The following ME3 variants were observed in gnomAD, a reference collection of about 807,000 sequenced individuals.
ME3 encodes NADP-dependent malic enzyme, mitochondrial.
ME3 carries 48 observed loss-of-function variants against 68.9 expected under a neutral mutation model. That is an observed-to-expected ratio of 0.70 (90% CI 0.55 to 0.89). The LOEUF (loss-of-function observed/expected upper bound fraction) is 0.89, where lower values mean the gene tolerates loss of function less well. ME3 is among the 40% of genes least tolerant of loss of function. ME3 has a pLI of 0.00. For missense variants in ME3, 675 were observed against 797.4 expected, an observed-to-expected ratio of 0.85 and a Z score of 1.85; for synonymous variants, 320 against 318.8, an observed-to-expected ratio of 1.00 and a Z score of -0.04.
At chr11:86,516,029 T>C (rs1953875360) in intron 4 of ME3, among the ~76,000 whole-genome samples, 1 of 152,050 alleles carries the variant, frequency 6.6e-6, no homozygotes, top group Non-Finnish European at 1.5e-5. Context: ...GGCTAATGAC[T>C]CCTCTGAGTC....
chr11:86,570,601 C>A (rs1957735877), intron 2 of ME3, among the ~76,000 whole-genome samples: 1 of 152,168 alleles, frequency 6.6e-6, no homozygotes, highest in Non-Finnish European at 1.5e-5. Flanking sequence ...AGACATATTT[C>A]TGTGATCAGG....
intron 8 of ME3, among the ~76,000 whole-genome samples, chr11:86,456,751 T>C (rs1485631883): frequency 1.3e-5 from 2 of 152,116 alleles, no homozygotes; most frequent in Non-Finnish European, 2.9e-5. Flanking sequence ...GGAAATCTGA[T>C]GGGAAAGAGT....
chr11:86,644,351 G>A (rs1412590216), intron 2 of ME3, among the ~76,000 whole-genome samples: 1 of 152,164 alleles, frequency 6.6e-6, no homozygotes, highest in Non-Finnish European at 1.5e-5. Context: ...TTTGACTAAT[G>A]TAAGTCAAAA....
At chr11:86,450,089 T>A in intron 9 of ME3, 87 bp from the exon 10 acceptor site, 1 of 1,179,258 alleles carries the variant, frequency 8.5e-7, no homozygotes, top group Non-Finnish European at 1.2e-6. Flanking sequence ...GGACCCCCTT[T>A]TCTTTCCCCC....
chr11:86,596,184 T>G (rs1347346110), intron 2 of ME3, among the ~76,000 whole-genome samples: 1 of 152,218 alleles, frequency 6.6e-6, no homozygotes, highest in Non-Finnish European at 1.5e-5. Flanking sequence ...ATTATTCATT[T>G]TTTTCCAATG....
At chr11:86,586,965 G>A (rs1376981521) in intron 2 of ME3, among the ~76,000 whole-genome samples, 7 of 152,170 alleles carry the variant, frequency 4.6e-5, no homozygotes, top group Admixed American at 3.9e-4. Flanking sequence ...AAAATGGGGT[G>A]GAGAATGGAA....
chr11:86,482,385 T>C (rs1951463912), intron 7 of ME3, among the ~76,000 whole-genome samples: 1 of 152,106 alleles, frequency 6.6e-6, no homozygotes, highest in African/African-American at 2.4e-5. Context: ...TAGGTAGACA[T>C]GCTCATTGAT....
chr11:86,442,496 A>G (rs1012427904), intron 14 of ME3, among the ~76,000 whole-genome samples: 7 of 152,176 alleles, frequency 4.6e-5, no homozygotes, highest in Admixed American at 3.3e-4. Context: ...CCGTGATGCT[A>G]TGCAAGCTGA....
At chr11:86,441,589 A>T in intron 14 of ME3, 149 bp from the exon 15 acceptor site, 1 of 739,408 alleles carries the variant, frequency 1.4e-6, no homozygotes, top group South Asian at 2.8e-5. Flanking sequence ...ACTGGATAGG[A>T]AGGATTTTAA....
intron 14 of ME3, among the ~76,000 whole-genome samples, chr11:86,442,310 G>C (rs1949042605): frequency 6.6e-6 from 1 of 152,212 alleles, no homozygotes; most frequent in Admixed American, 6.5e-5. Flanking sequence ...CTGGCTGAGA[G>C]AGCACTGGGT....
intron 8 of ME3, chr11:86,463,959 G>A (rs1212902640): frequency 4.4e-5 from 10 of 225,920 alleles, no homozygotes; most frequent in Non-Finnish European, 7.3e-5. Context: ...AGATGCTAAT[G>A]TCTCATCGGT....
At chr11:86,489,724 C>T (rs560637331) in intron 6 of ME3, among the ~76,000 whole-genome samples, 2 of 152,272 alleles carry the variant, frequency 1.3e-5, no homozygotes, top group African/African-American at 2.4e-5. Flanking sequence ...CTCTCTTACT[C>T]AGTCCTCGCT....
intron 2 of ME3, among the ~76,000 whole-genome samples, chr11:86,587,905 G>C (rs1218291389): frequency 6.6e-6 from 1 of 152,194 alleles, no homozygotes; most frequent in Non-Finnish European, 1.5e-5. Context: ...AGTTCTGTTT[G>C]AAAGTCCTGG....
intron 4 of ME3, among the ~76,000 whole-genome samples, chr11:86,537,668 G>C (rs1357336803): frequency 1.3e-5 from 2 of 152,194 alleles, no homozygotes; most frequent in Non-Finnish European, 2.9e-5. Context: ...TGTCAGGCTT[G>C]CTGAAGAGAT....
At position 86,573,556 on chromosome 11, in the gene ME3, T is replaced by C. The variant is rs906758149; in HGVS notation, c.184-13733A>G. On this transcript the variant is annotated intron_variant, in intron 2 of 14. Transcript: ENST00000543262. ...CTGACAGACGGGAGTTTTCTAAATA[T>C]AGAGTCATGTCATCTGCAAACAGAG... 6.2e-4 allele frequency among the ~76,000 whole-genome samples: 94 copies of C among 151,454 alleles called. 2 individuals carry two copies. Among genetic ancestry groups the C allele is most frequent in the African/African-American group, 2.3e-3 (92 of 40,804 alleles).
At chr11:86,506,098 T>TA (rs1338065352) in intron 5 of ME3, among the ~76,000 whole-genome samples, 3 of 152,204 alleles carry the variant, frequency 2.0e-5, no homozygotes, top group African/African-American at 7.2e-5. Context: ...AGATGTTTAC[T>TA]AAAAGATGGT....
chr11:86,629,515 G>T (rs1943882026), intron 2 of ME3, among the ~76,000 whole-genome samples: 1 of 152,182 alleles, frequency 6.6e-6, no homozygotes. Flanking sequence ...ACTTATACTG[G>T]TTACAACTCC....
chr11:86,535,221 C>T (rs1955570414), intron 4 of ME3, among the ~76,000 whole-genome samples: 1 of 152,174 alleles, frequency 6.6e-6, no homozygotes, highest in Non-Finnish European at 1.5e-5. Flanking sequence ...TACCTCCACT[C>T]CCACCCCCTT....
At position 86,556,551 on chromosome 11, in the gene ME3, A is replaced by G. The variant is rs763215994; in HGVS notation, c.467+2T>C. 1 of 1,613,458 alleles carries G rather than the reference A, an allele frequency of 6.2e-7. No homozygotes were observed. Among genetic ancestry groups the G allele is most frequent in the Non-Finnish European group, 8.5e-7 (1 of 1,179,642 alleles). ...CAGAGCCCTCACTCCACGGGGGCTC[A>G]CCGGGGCCTGCGGAAAGTCAGGCCA... is the stretch of plus-strand genomic sequence containing the variant. On this transcript the variant is annotated splice_donor_variant, in intron 4 of 14. Transcript: ENST00000543262. LOFTEE classifies it high-confidence loss of function.
Sources: gnomAD v4.1 joint callset for allele counts (sites outside exome capture counted in the v4.1 genomes callset) on GRCh38, gnomAD v4.1.1 for gene constraint, MANE v1.5 for transcripts, NCBI Gene and HGNC (gene_info 2026-07-23, HGNC 2026-07-21) for gene names.